The following PTPN4 variants were observed in gnomAD, a reference collection of about 807,000 sequenced individuals.
The protein encoded by PTPN4 is protein tyrosine phosphatase non-receptor type 4.
In PTPN4, 49 loss-of-function variants were observed where a neutral mutation model predicts 135.5. The ratio of observed to expected loss-of-function variants is 0.36; its 90% confidence interval spans 0.29 to 0.46. The LOEUF (loss-of-function observed/expected upper bound fraction) is 0.46. PTPN4 is among the 20% of genes least tolerant of loss of function. The pLI, the probability that PTPN4 is intolerant of heterozygous loss-of-function variation, is 1.00. For missense variants in PTPN4, 860 were observed against 1,101.0 expected (o/e 0.78, Z 3.10); for synonymous variants, 333 against 369.9 (o/e 0.90, Z 1.14).
intron 9 of PTPN4, 93 bp downstream of exon 9, chr2:119,885,975 A>G: frequency 1.2e-6 from 1 of 848,714 alleles, no homozygotes; most frequent in Non-Finnish European, 1.8e-6. Context: ...GGAATAAGTT[A>G]TGATTGCTGC....
intron 1 of PTPN4, among the ~76,000 whole-genome samples, chr2:119,805,098 C>G (rs573601717): frequency 2.6e-5 from 4 of 152,114 alleles, no homozygotes; most frequent in Non-Finnish European, 5.9e-5. Context: ...TGAGAAGTGT[C>G]TGTTCATATC....
At chr2:119,935,310 G>A (rs1294968557) in intron 15 of PTPN4, among the ~76,000 whole-genome samples, 2 of 152,150 alleles carry the variant, frequency 1.3e-5, no homozygotes, top group Non-Finnish European at 2.9e-5. Flanking sequence ...AGTAAAAAGT[G>A]TTGAGAAAAT....
chr2:119,917,871 A>T (rs1029200893), intron 11 of PTPN4, among the ~76,000 whole-genome samples: 1 of 152,142 alleles, frequency 6.6e-6, no homozygotes, highest in African/African-American at 2.4e-5. Flanking sequence ...CTCAGTACAA[A>T]TTTTTTTGTG....
At chr2:119,863,773 T>C (rs569695831) in intron 3 of PTPN4, among the ~76,000 whole-genome samples, 155 of 152,246 alleles carry the variant, frequency 1.0e-3, no homozygotes, top group South Asian at 2.5e-3. Context: ...AAATAAATGC[T>C]TTTATACTGA....
intron 13 of PTPN4, 166 bp from the exon 14 acceptor site, chr2:119,932,258 A>G: frequency 1.8e-6 from 1 of 560,842 alleles, no homozygotes; most frequent in Non-Finnish European, 3.0e-6. Flanking sequence ...GTACATTCTT[A>G]GGAAGTTATT....
intron 3 of PTPN4, among the ~76,000 whole-genome samples, chr2:119,866,176 C>G (rs1013233354): frequency 6.6e-6 from 1 of 151,992 alleles, no homozygotes; most frequent in Admixed American, 6.6e-5. Context: ...TCAAAGGTGG[C>G]TTTTTCTTAG....
chr2:119,974,201 GTTGTT>G (rs757417431), intron 26 of PTPN4, among the ~76,000 whole-genome samples: 53 of 152,052 alleles, frequency 3.5e-4, no homozygotes, highest in Non-Finnish European at 4.6e-4. Flanking sequence ...AGTTTTTGTT[GTTGTT>G]TTGTTTTGTT....
At chr2:119,863,396 T>C (rs1232217166) in intron 3 of PTPN4, among the ~76,000 whole-genome samples, 2 of 152,130 alleles carry the variant, frequency 1.3e-5, no homozygotes, top group East Asian at 3.9e-4. Context: ...TATATTCTTT[T>C]GATTAGTGTA....
In PTPN4 at chr2:119,900,678, A is replaced by T. The variant is rs374008643; in HGVS notation, c.676-40A>T. ...AAAATATATCTCTAACAAAGCCCAT[A>T]AATTTAGATTTATCATGTTTTTATT... On this transcript the variant is annotated intron_variant, in intron 9 of 26. Transcript: ENST00000263708. 81 of 1,251,714 alleles carry T rather than the reference A, an allele frequency of 6.5e-5. 1 individual carries two copies. The highest frequency in any genetic ancestry group is 8.6e-5 in the Non-Finnish European group (77 of 898,828). 77.5% of individuals were successfully genotyped at this position (1,251,714 alleles called of 1,614,324 possible). A position where few individuals can be genotyped will look rare whatever the true frequency, so the allele number is the denominator to read the frequency against.
chr2:119,878,666 T>C (rs1469116741), intron 5 of PTPN4, among the ~76,000 whole-genome samples: 1 of 150,306 alleles, frequency 6.7e-6, no homozygotes, highest in Non-Finnish European at 1.5e-5. Context: ...TCAGTGTGTT[T>C]TGGGGTGGGT....
chr2:119,883,384 C>A (rs143699149), intron 8 of PTPN4, among the ~76,000 whole-genome samples: 56 of 152,252 alleles, frequency 3.7e-4, no homozygotes, highest in African/African-American at 1.3e-3. Context: ...CGATCCCAAG[C>A]ATTTCAGATA....
intron 3 of PTPN4, among the ~76,000 whole-genome samples, chr2:119,874,751 A>G (rs1234966266): frequency 1.3e-5 from 2 of 152,204 alleles, no homozygotes; most frequent in Non-Finnish European, 2.9e-5. Flanking sequence ...ACATGTTAAA[A>G]TGGTAAATTT....
At chr2:119,842,546 A>G (rs963961711) in intron 2 of PTPN4, among the ~76,000 whole-genome samples, 1 of 152,246 alleles carries the variant, frequency 6.6e-6, no homozygotes, top group African/African-American at 2.4e-5. Context: ...AAAAAGCTAT[A>G]GAAAACAGAA....
At chr2:119,924,885 AT>A (rs1347634783) in intron 12 of PTPN4, among the ~76,000 whole-genome samples, 5 of 152,136 alleles carry the variant, frequency 3.3e-5, no homozygotes, top group Non-Finnish European at 7.4e-5. Flanking sequence ...AATTGAGGAA[AT>A]TAGTTACATG....
chr2:119,962,321 G>A (rs1679377362), intron 23 of PTPN4, among the ~76,000 whole-genome samples: 1 of 151,952 alleles, frequency 6.6e-6, no homozygotes, highest in Admixed American at 6.6e-5. Context: ...AGGCTTGGTG[G>A]CACATGCCTG....
intron 10 of PTPN4, among the ~76,000 whole-genome samples, chr2:119,905,327 G>A (rs755973100): frequency 3.3e-5 from 5 of 152,074 alleles, no homozygotes; most frequent in East Asian, 3.9e-4. Context: ...AACCAAGAGC[G>A]TACAGAAGCA....
chr2:119,951,979 C>T lies in PTPN4; in HGVS notation c.1663C>T (p.Leu555Phe). 6.2e-6 allele frequency: 10 copies of T among 1,607,558 alleles called. No individual in the cohort carries two copies. The highest frequency in any genetic ancestry group is 8.5e-6 in the Non-Finnish European group (10 of 1,176,818). The change falls in exon 19 of 27, where the codon CTC (leucine) becomes TTC (phenylalanine). Residue 555 changes from leucine (L) to phenylalanine (F), a missense_variant. Coordinates refer to ENST00000263708, the MANE Select transcript of PTPN4 (RefSeq NM_002830.4). ...SRVAPGTPADLCVPRLNEGDQ... is the reference protein window; with the variant it reads ...SRVAPGTPADFCVPRLNEGDQ... ...TATCTATATTATATTACAGGCTGAC[C>T]TCTGTGTCCCTAGACTGAATGAAGG...
intron 10 of PTPN4, among the ~76,000 whole-genome samples, chr2:119,911,896 A>G (rs1050227002): frequency 1.3e-5 from 2 of 152,218 alleles, no homozygotes; most frequent in African/African-American, 2.4e-5. Flanking sequence ...TATGTCTACC[A>G]TATGACCTAG....
chr2:119,867,065 G>A (rs1002477219), intron 3 of PTPN4, among the ~76,000 whole-genome samples: 2 of 152,068 alleles, frequency 1.3e-5, no homozygotes, highest in African/African-American at 2.4e-5. Flanking sequence ...CAGGAATGCT[G>A]AATTTGAAGA....
Sources: gnomAD v4.1 joint callset for allele counts (sites outside exome capture counted in the v4.1 genomes callset) on GRCh38, gnomAD v4.1.1 for gene constraint, MANE v1.5 for transcripts, NCBI Gene and HGNC (gene_info 2026-07-23, HGNC 2026-07-21) for gene names.